Variants in SPZ1 observed in about 807,000 individuals in gnomAD.
SPZ1 encodes the protein spermatogenic leucine zipper protein 1.
For missense variants in SPZ1, 408 were observed against 486.2 expected (o/e 0.84, Z 1.51); for synonymous variants, 160 against 167.6 (o/e 0.95, Z 0.35).
At position 80,320,365 on chromosome 5, in the gene SPZ1, C is replaced by G; in HGVS notation, c.150C>G (p.Leu50=). ...GSHSPSSWGS[L]PFLKNSSHQV... ...ATTCCCCTTCCTCCTGGGGCTCTCT[C>G]CCTTTCCTAAAGAATAGCAGCCATC... Residue 50 remains leucine, a synonymous_variant, in exon 1 of 1, where the codon CTC becomes CTG. Coordinates refer to ENST00000296739, the MANE Select transcript of SPZ1 (RefSeq NM_032567.4). 6.2e-7 allele frequency: 1 copy of G among 1,614,138 alleles called. No homozygotes were observed. Among genetic ancestry groups the G allele is most frequent in the Admixed American group, 1.7e-5 (1 of 60,012 alleles).
chr5:80,321,251 CAG>C (rs757326569), downstream of SPZ1: 3 of 1,613,512 alleles, frequency 1.9e-6, no homozygotes, highest in Admixed American at 5.0e-5. Flanking sequence ...TCATCAGAAA[CAG>C]GGAACTCTGC....
chr5:80,321,644 A>G lies in SPZ1; in HGVS notation c.*136A>G, dbSNP rs1388690130. On this transcript the variant is annotated 3_prime_UTR_variant, in exon 1 of 1. Transcript: ENST00000296739. Reference sequence around the variant, plus strand: ...CAAGAAAGAGCTATAGAATAAGGAGATTGACACTTATATTACTCATTACTT... The same window carrying G: ...CAAGAAAGAGCTATAGAATAAGGAGGTTGACACTTATATTACTCATTACTT... 1 of 619,884 alleles carries G rather than the reference A, an allele frequency of 1.6e-6. No individual in the cohort carries two copies. The highest frequency in any genetic ancestry group is 2.9e-5 in the East Asian group (1 of 34,180). The allele number at this position is 619,884 out of a possible 1,614,324, so 38.4% of individuals were successfully genotyped here.
In SPZ1 at chr5:80,321,187, A is replaced by C; in HGVS notation, c.972A>C (p.Leu324=). The part of the protein sequence containing the change: ...TYSLQLMAAL[L]ENECQILQQR... Reference sequence around the variant, plus strand: ...CATTGCAGTTGATGGCAGCTTTGCTAGAGAATGAATGCCAAATCTTACAGC... The same window carrying C: ...CATTGCAGTTGATGGCAGCTTTGCTCGAGAATGAATGCCAAATCTTACAGC... Residue 324 remains leucine, a synonymous_variant, in exon 1 of 1, where the codon CTA becomes CTC. Transcript: ENST00000296739. 6.2e-7 allele frequency: 1 copy of C among 1,614,072 alleles called. No homozygotes were observed. Among genetic ancestry groups the C allele is most frequent in the Non-Finnish European group, 8.5e-7 (1 of 1,180,028 alleles).
In SPZ1 at chr5:80,320,292, AAT is replaced by A. The variant is rs1294805613; in HGVS notation, c.80_81del (p.Tyr27SerfsTer4). 10 of 1,613,774 alleles carry A rather than the reference AAT, an allele frequency of 6.2e-6. No individual in the cohort carries two copies. Among genetic ancestry groups the A allele is most frequent in the Non-Finnish European group, 8.5e-7 (1 of 1,179,912 alleles). On this transcript the variant is annotated frameshift_variant, in exon 2 of 2. Transcript: ENST00000511881. LOFTEE classifies it low-confidence loss of function (END_TRUNC). ...AACCCTACTCCTGATCCTCATCAAG[AAT>A]ATCTGGACCCTAGGATTACCATTGC...
Position 80,321,092 on chromosome 5 carries a change from C to T in SPZ1, c.877C>T (p.Pro293Ser). 6.2e-7 allele frequency: 1 copy of T among 1,613,286 alleles called. No individual in the cohort carries two copies. The highest frequency in any genetic ancestry group is 8.5e-7 in the Non-Finnish European group (1 of 1,179,820). ...TAATGGAGTCGGTTTCCAAACCCAGCCAAATAATGAAGTGTCGGCTAAGCA... is the reference window on the plus strand; with the variant it reads ...TAATGGAGTCGGTTTCCAAACCCAGTCAAATAATGAAGTGTCGGCTAAGCA... ...GNNGVGFQTQ[P>S]NNEVSAKHEL... Residue 293 changes from proline (P) to serine (S), a missense_variant, in exon 1 of 1, where the codon CCA (proline) becomes TCA (serine). Pro to Ser is a moderately conservative substitution (Grantham distance 74, BLOSUM62 -1). Transcript: ENST00000296739.
rs748036639 is a variant in SPZ1 at position 80,320,413 on chromosome 5, A to G, written c.198A>G (p.Ala66=). The G allele has an allele frequency of 6.2e-7, 1 of 1,613,942 alleles. No homozygotes were observed. The highest frequency in any genetic ancestry group is 1.1e-5 in the South Asian group (1 of 91,006). Residue 66 remains alanine (A), a synonymous_variant, in exon 1 of 1, where the codon GCA becomes GCG. Transcript: ENST00000296739. The part of the protein sequence containing the change: ...SSHQVTEQQT[A]QKFNNLLKEI... ...ATCAAGTTACAGAACAACAGACTGC[A>G]CAGAAGTTTAACAATCTCTTAAAAG...
rs1350417429 is a variant in SPZ1 at position 80,321,765 on chromosome 5, TTAGA to T, written c.*262_*265del. ...AATCTGCTTGTTTTTTTTGTAATTATTAGATAGACAGCCTAGAGTGAGAAGTTAA... is the reference window on the plus strand; with the variant it reads ...AATCTGCTTGTTTTTTTTGTAATTATTAGACAGCCTAGAGTGAGAAGTTAA... On this transcript the variant is annotated 3_prime_UTR_variant, in exon 1 of 1. Transcript: ENST00000296739. The T allele has an allele frequency of 1.0e-5, 3 of 292,506 alleles. No homozygotes were observed. Among genetic ancestry groups the T allele is most frequent in the Non-Finnish European group, 2.0e-5 (3 of 150,390 alleles). The allele number at this position is 292,506 out of a possible 1,614,324, so 18.1% of individuals were successfully genotyped here. A position where few individuals can be genotyped will look rare whatever the true frequency, so the allele number is the denominator to read the frequency against.
At position 80,320,118 on chromosome 5, in the gene SPZ1, CT is replaced by C; in HGVS notation, c.-96del. ...TTTAATCCTTAACTTTGGTCTCTGACTTCTGCTTGATTCCACAGTCTCCACC... is the reference window on the plus strand; with the variant it reads ...TTTAATCCTTAACTTTGGTCTCTGACTCTGCTTGATTCCACAGTCTCCACC... On this transcript the variant is annotated 5_prime_UTR_variant, in exon 1 of 1. Transcript: ENST00000296739. 1.0e-6 allele frequency: 1 copy of C among 952,884 alleles called. No individual in the cohort carries two copies. Among genetic ancestry groups the C allele is most frequent in the Non-Finnish European group, 1.6e-6 (1 of 642,926 alleles). 59.0% of individuals were successfully genotyped at this position (952,884 alleles called of 1,614,324 possible).
Position 80,320,270 on chromosome 5 carries a change from C to T in SPZ1, c.55C>T (p.Pro19Ser), listed in dbSNP as rs779355853. Reference sequence around the variant, plus strand: ...GCCCACCATCTCCAAAACCGTTAACCCTACTCCTGATCCTCATCAAGAATA... The same window carrying T: ...GCCCACCATCTCCAAAACCGTTAACTCTACTCCTGATCCTCATCAAGAATA... ...EMPTISKTVN[P>S]TPDPHQEYLD... is the part of the protein sequence containing the mutation. Residue 19 changes from proline (P) to serine (S), a missense_variant, in exon 1 of 1, where the codon CCT (proline) becomes TCT (serine). Coordinates refer to ENST00000296739, the MANE Select transcript of SPZ1 (RefSeq NM_032567.4). The T allele has an allele frequency of 6.2e-7, 1 of 1,613,726 alleles. No individual in the cohort carries two copies. Among genetic ancestry groups the T allele is most frequent in the Non-Finnish European group, 8.5e-7 (1 of 1,179,830 alleles).
In SPZ1 at chr5:80,320,504, T is replaced by C. The variant is rs375056770; in HGVS notation, c.289T>C (p.Phe97Leu). The C allele has an allele frequency of 1.5e-5, 25 of 1,614,012 alleles. No individual in the cohort carries two copies. Among genetic ancestry groups the C allele is most frequent in the Non-Finnish European group, 2.1e-5 (25 of 1,180,018 alleles). ...GAAGATCACAGAAGCAAAAGAACTT[T>C]TTGAGGAAACCAATATTACTGAGGA... ...EEKITEAKEL[F>L]EETNITEDVS... Residue 97 changes from phenylalanine (F) to leucine (L), a missense_variant, in exon 1 of 1, where the codon TTT becomes CTT. Phe to Leu is a conservative substitution (Grantham distance 22). Coordinates refer to ENST00000296739, the MANE Select transcript of SPZ1 (RefSeq NM_032567.4).
At position 80,321,397 on chromosome 5, in the gene SPZ1, T is replaced by G. The variant is rs1485262104; in HGVS notation, c.1182T>G (p.Cys394Trp). The change falls in exon 1 of 1, where the codon TGT (cysteine) becomes TGG (tryptophan). Residue 394 changes from cysteine to tryptophan, a missense_variant. Cys to Trp is a radical substitution (Grantham distance 215). Transcript: ENST00000296739. ...CATTTTGGAAAAAAGACAGATCCTG[T>G]AGAAGCCTGGATGTTTGTCTTAATA... ...KGTFWKKDRSCRSLDVCLNKK... is the reference protein window; with the variant it reads ...KGTFWKKDRSWRSLDVCLNKK... 6.2e-7 allele frequency: 1 copy of G among 1,613,524 alleles called. No homozygotes were observed. Among genetic ancestry groups the G allele is most frequent in the Non-Finnish European group, 8.5e-7 (1 of 1,179,864 alleles).
chr5:80,320,090 A>G lies in SPZ1; in HGVS notation c.-126A>G, dbSNP rs1181506063. The G allele has an allele frequency of 9.1e-6, 7 of 767,960 alleles. No individual in the cohort carries two copies. The highest frequency in any genetic ancestry group is 1.4e-5 in the Non-Finnish European group (7 of 485,552). The allele number at this position is 767,960 out of a possible 1,614,324, so 47.6% of individuals were successfully genotyped here. A position where few individuals can be genotyped will look rare whatever the true frequency, so the allele number is the denominator to read the frequency against. On this transcript the variant is annotated 5_prime_UTR_variant, in exon 1 of 1. Coordinates refer to ENST00000296739, the MANE Select transcript of SPZ1 (RefSeq NM_032567.4). ...CCTTCCACCTAAACATCATCTCCCA[A>G]ATTTTAATCCTTAACTTTGGTCTCT...
In SPZ1 at chr5:80,320,246, C is replaced by A; in HGVS notation, c.31C>A (p.Pro11Thr). 1.9e-6 allele frequency: 3 copies of A among 1,611,998 alleles called. No homozygotes were observed. The highest frequency in any genetic ancestry group is 2.5e-6 in the Non-Finnish European group (3 of 1,179,168). Residue 11 changes from proline (P) to threonine (T), a missense_variant, in exon 1 of 1, where the codon CCC becomes ACC. Physicochemically the swap from Pro to Thr is conservative, Grantham distance 38. Transcript: ENST00000296739. MASSAKSAEM[P>T]TISKTVNPTP... Reference sequence around the variant, plus strand: ...CAGCTCTGCTAAGTCAGCTGAGATGCCCACCATCTCCAAAACCGTTAACCC... The same window carrying A: ...CAGCTCTGCTAAGTCAGCTGAGATGACCACCATCTCCAAAACCGTTAACCC...
Position 80,320,780 on chromosome 5 carries a change from A to G in SPZ1, c.565A>G (p.Lys189Glu), listed in dbSNP as rs1743537804. The G allele has an allele frequency of 6.2e-7, 1 of 1,614,222 alleles. No individual in the cohort carries two copies. The highest frequency in any genetic ancestry group is 8.5e-7 in the Non-Finnish European group (1 of 1,180,050). The change falls in exon 1 of 1, where the codon AAA becomes GAA. Residue 189 changes from lysine to glutamate, a missense_variant. By Grantham distance (56) the Lys-to-Glu change is moderately conservative. Transcript: ENST00000296739. Reference sequence around the variant, plus strand: ...CCCAGAGAAAGAAGACAATGAAAAGAAACAGCAGATGATAATGGAAAACCA... The same window carrying G: ...CCCAGAGAAAGAAGACAATGAAAAGGAACAGCAGATGATAATGGAAAACCA... ...LAPEKEDNEK[K>E]QQMIMENQNS...
At position 80,320,975 on chromosome 5, in the gene SPZ1, G is replaced by A. The variant is rs1743544167; in HGVS notation, c.760G>A (p.Ala254Thr). The A allele has an allele frequency of 6.2e-7, 1 of 1,614,022 alleles. No individual in the cohort carries two copies. Among genetic ancestry groups the A allele is most frequent in the South Asian group, 1.1e-5 (1 of 90,982 alleles). ...RNNMEQLLQE[A>T]EHWSKQHTEL... ...CAACATGGAGCAGTTACTACAGGAA[G>A]CAGAACACTGGAGTAAACAACATAC... Residue 254 changes from alanine to threonine, a missense_variant, in exon 1 of 1, where the codon GCA becomes ACA. Ala to Thr is a moderately conservative substitution (Grantham distance 58, BLOSUM62 0). Transcript: ENST00000296739.
rs759863632 is a variant in SPZ1 at position 80,320,938 on chromosome 5, G to A, written c.723G>A (p.Met241Ile). Residue 241 changes from methionine (M) to isoleucine (I), a missense_variant, in exon 1 of 1, where the codon ATG becomes ATA. By Grantham distance (10) the Met-to-Ile change is conservative. Coordinates refer to ENST00000296739, the MANE Select transcript of SPZ1 (RefSeq NM_032567.4). ...GACTTAATGTTCAAGAAGAAACTAT[G>A]AAAATTAGGAACAACATGGAGCAGT... ...KNRLNVQEET[M>I]KIRNNMEQLL... 1.9e-6 allele frequency: 3 copies of A among 1,610,102 alleles called. No individual in the cohort carries two copies. Among genetic ancestry groups the A allele is most frequent in the South Asian group, 1.1e-5 (1 of 89,604 alleles).
In SPZ1 at chr5:80,321,686, C is replaced by T; in HGVS notation, c.*178C>T. 2.0e-6 allele frequency: 1 copy of T among 498,306 alleles called. No homozygotes were observed. The highest frequency in any genetic ancestry group is 3.6e-6 in the Non-Finnish European group (1 of 279,596). The allele number at this position is 498,306 out of a possible 1,614,324, so 30.9% of individuals were successfully genotyped here. ...TCATTACTTCAGCAGTTATGTAAGTCTGGTCTTTAATGACCATTGTGTCTA... is the reference window on the plus strand; with the variant it reads ...TCATTACTTCAGCAGTTATGTAAGTTTGGTCTTTAATGACCATTGTGTCTA... On this transcript the variant is annotated 3_prime_UTR_variant, in exon 1 of 1. Coordinates refer to ENST00000296739, the MANE Select transcript of SPZ1 (RefSeq NM_032567.4).
In SPZ1 at chr5:80,320,984, T is replaced by C; in HGVS notation, c.769T>C (p.Trp257Arg). The change falls in exon 1 of 1, where the codon TGG (tryptophan) becomes CGG (arginine). Residue 257 changes from tryptophan to arginine, a missense_variant. Coordinates refer to ENST00000296739, the MANE Select transcript of SPZ1 (RefSeq NM_032567.4). ...MEQLLQEAEH[W>R]SKQHTELSKL... ...GCAGTTACTACAGGAAGCAGAACACTGGAGTAAACAACATACTGAGCTCAG... is the reference window on the plus strand; with the variant it reads ...GCAGTTACTACAGGAAGCAGAACACCGGAGTAAACAACATACTGAGCTCAG... 1.2e-6 allele frequency: 2 copies of C among 1,614,110 alleles called. No individual in the cohort carries two copies. Among genetic ancestry groups the C allele is most frequent in the Non-Finnish European group, 1.7e-6 (2 of 1,180,016 alleles).
chr5:80,321,027 A>G lies in SPZ1; in HGVS notation c.812A>G (p.Tyr271Cys). Residue 271 changes from tyrosine to cysteine, a missense_variant, in exon 1 of 1, where the codon TAT (tyrosine) becomes TGT (cysteine). Coordinates refer to ENST00000296739, the MANE Select transcript of SPZ1 (RefSeq NM_032567.4). ...GAGCTCAGTAAACTGATAAAATCCTATCAGAAATCTCAGAAAGACATAAGT... is the reference window on the plus strand; with the variant it reads ...GAGCTCAGTAAACTGATAAAATCCTGTCAGAAATCTCAGAAAGACATAAGT... Reference protein sequence around the residue: ...HTELSKLIKSYQKSQKDISET... With the variant: ...HTELSKLIKSCQKSQKDISET... 2 of 1,614,154 alleles carry G rather than the reference A, an allele frequency of 1.2e-6. No homozygotes were observed. Among genetic ancestry groups the G allele is most frequent in the Non-Finnish European group, 1.7e-6 (2 of 1,180,014 alleles).
Sources: allele counts gnomAD v4.1 joint callset, GRCh38; gene constraint gnomAD v4.1.1; transcripts MANE v1.5; gene names NCBI Gene and HGNC (gene_info 2026-07-23, HGNC 2026-07-21).